The following TEKT5 variants were observed in gnomAD, a reference collection of about 807,000 sequenced individuals.
The protein encoded by TEKT5 is tektin 5.
In TEKT5, 52 loss-of-function variants were observed where a neutral mutation model predicts 48.7. That is an observed-to-expected ratio of 1.07 (90% CI 0.86 to 1.35). The LOEUF (loss-of-function observed/expected upper bound fraction) is 1.35. TEKT5 is among the 40% of genes most tolerant of loss of function. The pLI, the probability that TEKT5 is intolerant of heterozygous loss-of-function variation, is 0.00. For missense variants in TEKT5, 831 were observed against 641.6 expected, an observed-to-expected ratio of 1.30 and a Z score of -3.19; for synonymous variants, 318 against 267.6, an observed-to-expected ratio of 1.19 and a Z score of -1.84.
rs776006124 is a variant in TEKT5 at position 10,635,923 on chromosome 16, G to A, written c.1087-5C>T. The A allele has an allele frequency of 1.3e-5, 21 of 1,613,068 alleles. No homozygotes were observed. The highest frequency in any genetic ancestry group is 4.0e-5 in the African/African-American group (3 of 74,896). ...CTGGAAGATCTCCTGCAGCGTCTGC[G>A]AGGGAACACACAGGTGTCACCACCC... On this transcript the variant is annotated splice_region_variant and splice_polypyrimidine_tract_variant and intron_variant, in intron 5 of 6. Coordinates refer to ENST00000283025, the MANE Select transcript of TEKT5 (RefSeq NM_144674.2).
chr16:10,683,397 G>A (rs918425738), intron 3 of TEKT5, among the ~76,000 whole-genome samples: 4 of 62,538 alleles, frequency 6.4e-5, no homozygotes, highest in Admixed American at 5.7e-4. Flanking sequence ...ATCAGAGACT[G>A]GGCTGAGGTA....
intron 1 of TEKT5, 98 bp from the exon 2 acceptor site, chr16:10,690,123 T>C (rs985664122): frequency 3.7e-6 from 5 of 1,339,370 alleles, no homozygotes; most frequent in Non-Finnish European, 4.2e-6. Flanking sequence ...TCTGTTCCTT[T>C]CTCCCGGAAA....
At chr16:10,694,283 C>G in intron 1 of TEKT5, 27 bp downstream of exon 1, 1 of 1,531,780 alleles carries the variant, frequency 6.5e-7, no homozygotes, top group Non-Finnish European at 8.8e-7. Flanking sequence ...GACACAGCCA[C>G]AGCCCTGTCC....
chr16:10,661,729 C>G (rs1898375197), intron 5 of TEKT5, among the ~76,000 whole-genome samples: 1 of 152,188 alleles, frequency 6.6e-6, no homozygotes, highest in Non-Finnish European at 1.5e-5. Context: ...GCCCACCTCA[C>G]TACAATCCAG....
chr16:10,634,489 C>A (rs979450157), intron 6 of TEKT5, among the ~76,000 whole-genome samples: 1 of 152,162 alleles, frequency 6.6e-6, no homozygotes. Flanking sequence ...TGGGGCCAGA[C>A]TCAGTCTCTT....
At position 10,627,549 on chromosome 16, in the gene TEKT5, T is replaced by C. The variant is rs374152810; in HGVS notation, c.*34A>G. On this transcript the variant is annotated 3_prime_UTR_variant, in exon 7 of 7. Coordinates refer to ENST00000283025, the MANE Select transcript of TEKT5 (RefSeq NM_144674.2). ...TTTGTTTCTCAGCCTTTTCCAATTTTACGCCAGCGCGGAATGAGGCGCCAG... is the reference window on the plus strand; with the variant it reads ...TTTGTTTCTCAGCCTTTTCCAATTTCACGCCAGCGCGGAATGAGGCGCCAG... 3 of 1,606,732 alleles carry C rather than the reference T, an allele frequency of 1.9e-6. No individual in the cohort carries two copies. Among genetic ancestry groups the C allele is most frequent in the Non-Finnish European group, 1.7e-6 (2 of 1,173,862 alleles).
rs1897905099 is a variant in TEKT5 at position 10,635,855 on chromosome 16, T to G, written c.1150A>C (p.Lys384Gln). 1 of 1,614,012 alleles carries G rather than the reference T, an allele frequency of 6.2e-7. No homozygotes were observed. Among genetic ancestry groups the G allele is most frequent in the Non-Finnish European group, 8.5e-7 (1 of 1,180,034 alleles). Residue 384 changes from lysine to glutamine, a missense_variant, in exon 6 of 7, where the codon AAG becomes CAG. Coordinates refer to ENST00000283025, the MANE Select transcript of TEKT5 (RefSeq NM_144674.2). ...TGGGCCACCTTCAGCGGGCCCTCCT[T>G]GGCCATGATGGACCTTTCCAGCAGC... is the stretch of plus-strand genomic sequence containing the variant. ...IMLLERSIMA[K>Q]EGPLKVAQTR...
In TEKT5 at chr16:10,652,493, CA is replaced by C. The variant is rs1421991219; in HGVS notation, c.1087-16576del. Among the ~76,000 whole-genome samples the C allele has an allele frequency of 3.7e-4, 51 of 137,218 alleles. 3 individuals carry two copies. The South Asian group carries it at 5.6e-3, about 15-fold the overall frequency. 90.0% of individuals were successfully genotyped at this position (137,218 alleles called of 152,430 possible). On this transcript the variant is annotated intron_variant, in intron 5 of 6. Transcript: ENST00000283025. ...ACACACACACACACACACACACACA[CA>C]CCCTCCAGGCCAGGTAGAGCGATCC...
intron 2 of TEKT5, 114 bp from the exon 3 acceptor site, chr16:10,689,437 G>C (rs1166413324): frequency 1.1e-6 from 1 of 911,360 alleles, no homozygotes; most frequent in African/African-American, 1.7e-5. Context: ...TCGACCCCAG[G>C]AGGTGAAATG....
chr16:10,679,317 C>T lies in TEKT5; in HGVS notation c.863+2676G>A, dbSNP rs534131198. On this transcript the variant is annotated intron_variant, in intron 4 of 6. Transcript: ENST00000283025. ...ACTAAAAATACAAAAATTAGCTAGGCGTGGTGGCATGTGCCTGCAGTCCCA... is the reference window on the plus strand; with the variant it reads ...ACTAAAAATACAAAAATTAGCTAGGTGTGGTGGCATGTGCCTGCAGTCCCA... Among the ~76,000 whole-genome samples, 15 of 152,110 alleles carry T rather than the reference C, an allele frequency of 9.9e-5. No homozygotes were observed. In the East Asian group the frequency reaches 1.7e-3, roughly 18 times the overall value.
intron 5 of TEKT5, chr16:10,671,630 G>C (rs1258747978): frequency 6.6e-6 from 1 of 152,172 alleles, no homozygotes; most frequent in East Asian, 1.9e-4. Context: ...ACTTGTATTT[G>C]TCTGTTCTAA....
intron 5 of TEKT5, among the ~76,000 whole-genome samples, chr16:10,662,868 A>T (rs1239904725): frequency 2.6e-5 from 4 of 152,322 alleles, no homozygotes; most frequent in South Asian, 4.1e-4. Flanking sequence ...TCTTCATGGG[A>T]GGGAAAGATA....
At chr16:10,675,803 G>C (rs976811790) in intron 5 of TEKT5, among the ~76,000 whole-genome samples, 156 bp downstream of exon 5, 7 of 152,150 alleles carry the variant, frequency 4.6e-5, no homozygotes, top group Admixed American at 4.6e-4. Flanking sequence ...TCAGCCCTTG[G>C]CCCCTTTTAG....
intron 5 of TEKT5, 142 bp from the exon 6 acceptor site, chr16:10,636,060 G>A: frequency 7.7e-7 from 1 of 1,306,346 alleles, no homozygotes; most frequent in East Asian, 2.4e-5. Context: ...GCACCTTTAG[G>A]GCAGGAAGCT....
chr16:10,691,730 C>T (rs890172404), intron 1 of TEKT5, among the ~76,000 whole-genome samples: 1 of 152,058 alleles, frequency 6.6e-6, no homozygotes, highest in Non-Finnish European at 1.5e-5. Flanking sequence ...GGGCGGATCA[C>T]GAGGTCAAGA....
At chr16:10,688,951 T>C (rs1453683849) in intron 3 of TEKT5, among the ~76,000 whole-genome samples, 1 of 152,206 alleles carries the variant, frequency 6.6e-6, no homozygotes, top group Non-Finnish European at 1.5e-5. Flanking sequence ...GCTCTCGCTG[T>C]AAACAAGAGA....
rs550418933 is a variant in TEKT5, at chr16:10,628,534, CTG to C, written c.1242-737_1242-736del. ...CAAAAGGTGGAAGCAGCTCAAATGT[CTG>C]TGGATGGATGGATGAGTGGATAAGC... On this transcript the variant is annotated intron_variant, in intron 6 of 6. Transcript: ENST00000283025. Among the ~76,000 whole-genome samples the C allele has an allele frequency of 2.4e-4, 37 of 152,308 alleles. No individual in the cohort carries two copies. The South Asian group carries it at 4.1e-3, about 17-fold the overall frequency.
chr16:10,655,251 T>C (rs183370072), intron 5 of TEKT5, among the ~76,000 whole-genome samples: 22 of 152,172 alleles, frequency 1.4e-4, no homozygotes, highest in African/African-American at 4.6e-4. Context: ...CCTCCAACCA[T>C]ATTTACACGT....
chr16:10,665,886 C>T (rs1270352950), intron 5 of TEKT5, among the ~76,000 whole-genome samples: 3 of 152,182 alleles, frequency 2.0e-5, no homozygotes. Flanking sequence ...AGCTGGAAAC[C>T]CACAGATAGC....
Sources: gnomAD v4.1 joint callset for allele counts (sites outside exome capture counted in the v4.1 genomes callset) on GRCh38, gnomAD v4.1.1 for gene constraint, MANE v1.5 for transcripts, NCBI Gene and HGNC (gene_info 2026-07-23, HGNC 2026-07-21) for gene names.